The following MAGI2 variants were observed in gnomAD, a reference collection of about 807,000 sequenced individuals.
The protein encoded by MAGI2 is membrane associated guanylate kinase, WW and PDZ domain containing 2.
MAGI2 carries 35 observed loss-of-function variants against 133.3 expected under a neutral mutation model. The ratio of observed to expected loss-of-function variants is 0.26; its 90% CI spans 0.20 to 0.35. The LOEUF (loss-of-function observed/expected upper bound fraction) is 0.35, where lower values mean the gene tolerates loss of function less well. Among genes scored for constraint, MAGI2 ranks in the 10% least tolerant of loss-of-function variants. MAGI2 has a pLI of 1.00. For synonymous variants in MAGI2, 729 were observed against 710.6 expected, an observed-to-expected ratio of 1.03 and a Z score of -0.41; for missense variants, 1,636 against 1,863.4, an observed-to-expected ratio of 0.88 and a Z score of 2.25.
At chr7:78,556,898 C>T (rs943557912) in intron 3 of MAGI2, among the ~76,000 whole-genome samples, 4 of 149,052 alleles carry the variant, frequency 2.7e-5, no homozygotes, top group African/African-American at 1.0e-4. Context: ...ACCATCCTGG[C>T]TAACATGGTG....
At chr7:78,257,783 T>C (rs1562698400) in intron 9 of MAGI2, among the ~76,000 whole-genome samples, 1 of 152,100 alleles carries the variant, frequency 6.6e-6, no homozygotes. Flanking sequence ...GAGGAGTATA[T>C]TAGGGATGAA....
rs144027943 is a variant in MAGI2 at position 79,258,202 on chromosome 7, G to A, written c.301+194818C>T. Reference sequence around the variant, plus strand: ...TCTGTCCTCAGAGAGCTCCTCCTCTGACAGGAGAGGCAGTGCTTGATTAAT... The same window carrying A: ...TCTGTCCTCAGAGAGCTCCTCCTCTAACAGGAGAGGCAGTGCTTGATTAAT... On this transcript the variant is annotated intron_variant, in intron 1 of 21. Coordinates refer to ENST00000354212, the MANE Select transcript of MAGI2 (RefSeq NM_012301.4). Among the ~76,000 whole-genome samples, 1,127 of 152,286 alleles carry A rather than the reference G, an allele frequency of 7.4e-3. 10 individuals carry two copies. The highest frequency in any genetic ancestry group is 0.024 in the African/African-American group (1,012 of 41,556).
intron 2 of MAGI2, among the ~76,000 whole-genome samples, chr7:78,807,745 TTCA>T (rs1788707977): frequency 6.6e-6 from 1 of 152,174 alleles, no homozygotes; most frequent in South Asian, 2.1e-4. Flanking sequence ...TATAAATTAC[TTCA>T]TCAATAAGTG....
chr7:78,468,508 A>G (rs996144776), intron 6 of MAGI2, among the ~76,000 whole-genome samples: 1 of 152,132 alleles, frequency 6.6e-6, no homozygotes, highest in African/African-American at 2.4e-5. Context: ...TTGCTTTTAC[A>G]TAGGGATCTG....
chr7:79,392,620 CT>C (rs1158596720), intron 1 of MAGI2, among the ~76,000 whole-genome samples: 3 of 152,136 alleles, frequency 2.0e-5, no homozygotes, highest in Non-Finnish European at 4.4e-5. Context: ...TGATGATTAG[CT>C]TTTTTTCATA....
intron 16 of MAGI2, among the ~76,000 whole-genome samples, chr7:78,159,248 G>A (rs1036725478): frequency 1.3e-5 from 2 of 152,172 alleles, no homozygotes; most frequent in African/African-American, 4.8e-5. Context: ...TGAAGCCATT[G>A]GGCAGTTACA....
chr7:78,993,981 G>T (rs1806041644), intron 2 of MAGI2, among the ~76,000 whole-genome samples: 1 of 152,024 alleles, frequency 6.6e-6, no homozygotes, highest in African/African-American at 2.4e-5. Flanking sequence ...AGCCAGAATT[G>T]GGGCATTTTT....
In MAGI2 at chr7:79,194,962, G is replaced by C. The variant is rs1173871957; in HGVS notation, c.302-187756C>G. Among the ~76,000 whole-genome samples, 2 of 151,908 alleles carry C rather than the reference G, an allele frequency of 1.3e-5. 1 individual carries two copies. Among genetic ancestry groups the C allele is most frequent in the African/African-American group, 4.8e-5 (2 of 41,308 alleles). The stretch of plus-strand genomic sequence containing the variant: ...GAAGTTATTATAACATTTTAAGAAA[G>C]ACATGCCCAAAGTTCATTTAGGAGA... On this transcript the variant is annotated intron_variant, in intron 1 of 21. Coordinates refer to ENST00000354212, the MANE Select transcript of MAGI2 (RefSeq NM_012301.4).
chr7:78,328,861 T>A (rs1788877542), intron 9 of MAGI2, among the ~76,000 whole-genome samples: 2 of 151,816 alleles, frequency 1.3e-5, no homozygotes, highest in Non-Finnish European at 2.9e-5. Context: ...GTAAGAGGAG[T>A]GAAAATATTA....
At chr7:78,444,012 C>G (rs1002895168) in intron 6 of MAGI2, among the ~76,000 whole-genome samples, 1 of 151,664 alleles carries the variant, frequency 6.6e-6, no homozygotes, top group African/African-American at 2.4e-5. Flanking sequence ...AGTGTAGACT[C>G]TCACATGTTT....
At chr7:78,366,094 G>C (rs189724401) in intron 7 of MAGI2, among the ~76,000 whole-genome samples, 39 of 152,134 alleles carry the variant, frequency 2.6e-4, no homozygotes, top group African/African-American at 9.2e-4. Context: ...TGTATGAATG[G>C]GTGTGTAATT....
At chr7:79,069,564 G>A (rs920706944) in intron 1 of MAGI2, among the ~76,000 whole-genome samples, 4 of 152,230 alleles carry the variant, frequency 2.6e-5, no homozygotes, top group South Asian at 2.1e-4. Flanking sequence ...GCCTGTCTGT[G>A]TCTTTTAATT....
chr7:79,297,924 C>G (rs1837072612), intron 1 of MAGI2, among the ~76,000 whole-genome samples: 1 of 152,142 alleles, frequency 6.6e-6, no homozygotes, highest in Non-Finnish European at 1.5e-5. Flanking sequence ...TGCTACATTC[C>G]TAGTCAAAAT....
intron 2 of MAGI2, among the ~76,000 whole-genome samples, chr7:78,714,953 C>T (rs10485912): frequency 0.21 from 31,356 of 152,082 alleles, 3,676 homozygotes; most frequent in South Asian, 0.34. Context: ...ATGACTAAAG[C>T]GCTAGAGTTT....
intron 2 of MAGI2, among the ~76,000 whole-genome samples, chr7:78,782,792 C>T (rs995775868): frequency 5.9e-5 from 9 of 151,964 alleles, no homozygotes; most frequent in Admixed American, 4.6e-4. Context: ...TAAACTTTGA[C>T]AGTACTAAGC....
At chr7:78,159,044 C>T (rs1028762607) in intron 16 of MAGI2, among the ~76,000 whole-genome samples, 28 of 152,136 alleles carry the variant, frequency 1.8e-4, no homozygotes, top group Non-Finnish European at 5.9e-5. Flanking sequence ...AACCCAACCA[C>T]ATCAGCACTC....
chr7:79,138,417 C>T (rs1005551793), intron 1 of MAGI2, among the ~76,000 whole-genome samples: 4 of 152,084 alleles, frequency 2.6e-5, no homozygotes, highest in Non-Finnish European at 5.9e-5. Flanking sequence ...GTCCCTAAGT[C>T]CAAGTAAAAT....
intron 3 of MAGI2, among the ~76,000 whole-genome samples, chr7:78,563,144 G>A (rs1472933031): frequency 6.6e-6 from 1 of 152,020 alleles, no homozygotes; most frequent in Non-Finnish European, 1.5e-5. Flanking sequence ...TGGTAGGAAT[G>A]TTTTTAAAGT....
intron 9 of MAGI2, among the ~76,000 whole-genome samples, chr7:78,279,693 T>A (rs867761575): frequency 9.2e-5 from 14 of 152,094 alleles, no homozygotes; most frequent in African/African-American, 3.4e-4. Context: ...AGTCATGGGA[T>A]ATATACATGT....
Sources: allele counts gnomAD v4.1 joint callset (sites outside exome capture counted in the v4.1 genomes callset), GRCh38; gene constraint gnomAD v4.1.1; transcripts MANE v1.5; gene names NCBI Gene and HGNC (gene_info 2026-07-23, HGNC 2026-07-21).